Variants in THNSL1 observed in about 807,000 individuals in gnomAD.
The protein encoded by THNSL1 is threonine synthase-like 1.
THNSL1 carries 48 observed loss-of-function variants against 50.4 expected under a neutral mutation model. The observed-to-expected ratio is 0.95, with a 90% CI of 0.76 to 1.21. The LOEUF (loss-of-function observed/expected upper bound fraction) is 1.21. Among genes scored for constraint, THNSL1 ranks in the 50% most tolerant of loss-of-function variants. The pLI, the probability that THNSL1 is intolerant of heterozygous loss-of-function variation, is 0.00. For missense variants in THNSL1, 896 were observed against 871.7 expected (o/e 1.03, Z -0.35); for synonymous variants, 309 against 306.1 (o/e 1.01, Z -0.10).
rs764121957 is a variant in THNSL1 at position 25,024,381 on chromosome 10, C to T, written c.1158C>T (p.Val386=). The change falls in exon 3 of 3, where the codon GTC becomes GTT. Residue 386 remains valine (V), a synonymous_variant. Transcript: ENST00000376356. ...VATSGDTGSA[V]LNGFSRLNKN... is the part of the protein sequence containing the mutation. ...CTTCAGGAGACACAGGGAGTGCAGT[C>T]TTAAATGGTTTTAGTCGTCTAAATA... is the stretch of plus-strand genomic sequence containing the variant. 2.5e-6 allele frequency: 4 copies of T among 1,613,894 alleles called. No homozygotes were observed. The highest frequency in any genetic ancestry group is 1.6e-4 in the Middle Eastern group (1 of 6,062).
chr10:24,988,101 G>A, the THNSL1 span, among the ~76,000 whole-genome samples: 1,972 of 151,700 alleles, frequency 0.013, 56 homozygotes, highest in African/African-American at 0.046. Flanking sequence ...GTGCATGCCT[G>A]TAGTTTCAGC....
At chr10:25,013,138 A>C (rs1850488673), upstream of THNSL1, among the ~76,000 whole-genome samples, 3 of 152,190 alleles carry the variant, frequency 2.0e-5, no homozygotes, top group African/African-American at 7.2e-5. Flanking sequence ...TTCTGCCATG[A>C]TTGTAAGGCT....
chr10:25,021,948 TTTAA>T (rs1429580954), intron 2 of THNSL1, 40 bp downstream of exon 2: 8 of 152,164 alleles, frequency 5.3e-5, no homozygotes, highest in Admixed American at 3.9e-4. Flanking sequence ...CATTTAAATG[TTTAA>T]TTACAGAACA....
the THNSL1 span, among the ~76,000 whole-genome samples, chr10:24,989,836 G>A: frequency 6.6e-6 from 1 of 152,072 alleles, no homozygotes; most frequent in Non-Finnish European, 1.5e-5. Flanking sequence ...AAAGTACAAA[G>A]AGGTGTTTAA....
chr10:24,967,384 G>A, the THNSL1 span, among the ~76,000 whole-genome samples: 4 of 152,174 alleles, frequency 2.6e-5, no homozygotes, highest in East Asian at 7.7e-4. Flanking sequence ...AATGATGAAA[G>A]GCTTTGGCTC....
At chr10:24,989,658 T>C in the THNSL1 span, among the ~76,000 whole-genome samples, 26 of 152,338 alleles carry the variant, frequency 1.7e-4, no homozygotes, top group Admixed American at 1.2e-3. Flanking sequence ...TTATTGATGA[T>C]TATGATGACA....
chr10:25,013,161 T>G (rs1850489029), upstream of THNSL1, among the ~76,000 whole-genome samples: 1 of 152,256 alleles, frequency 6.6e-6, no homozygotes, highest in Admixed American at 6.5e-5. Flanking sequence ...CTCAGCCATG[T>G]GAAACTGTGA....
intron 1 of THNSL1, among the ~76,000 whole-genome samples, chr10:25,018,514 A>G (rs904629488): frequency 6.6e-6 from 1 of 152,236 alleles, no homozygotes; most frequent in Non-Finnish European, 1.5e-5. Context: ...ATGTGAGCAC[A>G]TGAATGACTG....
the THNSL1 span, among the ~76,000 whole-genome samples, chr10:24,972,500 T>G: frequency 2.1e-5 from 3 of 144,296 alleles, no homozygotes; most frequent in Non-Finnish European, 3.0e-5. Flanking sequence ...AGAGCAAGAC[T>G]CTGTCTCAAA....
upstream of THNSL1, among the ~76,000 whole-genome samples, chr10:25,013,574 C>A (rs1588666035): frequency 6.6e-6 from 1 of 152,280 alleles, no homozygotes; most frequent in East Asian, 1.9e-4. Context: ...ACTGTTCAGA[C>A]CATAACTGGA....
chr10:24,992,597 C>T, the THNSL1 span, among the ~76,000 whole-genome samples: 2 of 152,140 alleles, frequency 1.3e-5, no homozygotes, highest in African/African-American at 4.8e-5. Flanking sequence ...GGTCTAGTGA[C>T]AAGCAATGTT....
At chr10:24,990,376 T>C in the THNSL1 span, 1 of 1,486,700 alleles carries the variant, frequency 6.7e-7, no homozygotes, top group Non-Finnish European at 9.0e-7. Context: ...ATCCAAGTGC[T>C]GACTTTAATC....
intron 1 of THNSL1, among the ~76,000 whole-genome samples, chr10:25,018,673 T>G (rs1018082809): frequency 1.3e-5 from 2 of 151,458 alleles, no homozygotes; most frequent in African/African-American, 4.8e-5. Context: ...TTTTTTTTTT[T>G]TTTTTTGCGA....
In THNSL1 at chr10:25,025,705, G is replaced by A. The variant is rs558354436; in HGVS notation, c.*250G>A. On this transcript the variant is annotated 3_prime_UTR_variant, in exon 3 of 3. Transcript: ENST00000376356. ...TATCATACTTTTGCCTTCTGCTCATGAGGGGTGTATCAATTTCCACTCCCA... is the reference window on the plus strand; with the variant it reads ...TATCATACTTTTGCCTTCTGCTCATAAGGGGTGTATCAATTTCCACTCCCA... The A allele has an allele frequency of 1.3e-5, 6 of 444,856 alleles. No homozygotes were observed. In the South Asian group the frequency reaches 2.3e-4, roughly 17 times the overall value. The allele number at this position is 444,856 out of a possible 1,614,324, so 27.6% of individuals were successfully genotyped here. A position where few individuals can be genotyped will look rare whatever the true frequency, so the allele number is the denominator to read the frequency against.
chr10:24,952,818 G>A, the THNSL1 span, among the ~76,000 whole-genome samples: 1 of 151,618 alleles, frequency 6.6e-6, no homozygotes, highest in Non-Finnish European at 1.5e-5. This position sits in a 1 kb window ranked among gnomAD's most constrained non-coding sequence, Gnocchi z 5.1. Context: ...CTGCCAAGCC[G>A]CTACCGCTCC....
At chr10:25,003,843 T>C in the THNSL1 span, among the ~76,000 whole-genome samples, 7 of 152,210 alleles carry the variant, frequency 4.6e-5, no homozygotes, top group Non-Finnish European at 7.3e-5. Context: ...CAGCCTCCGA[T>C]AGGCCCCAGG....
intron 1 of THNSL1, 165 bp downstream of exon 1, chr10:25,016,857 G>C (rs765289641): frequency 6.6e-6 from 1 of 152,628 alleles, no homozygotes; most frequent in Non-Finnish European, 1.5e-5. Context: ...GCCTTTCCCC[G>C]TACCGTCCCT....
chr10:25,017,025 C>A (rs1461609178), intron 1 of THNSL1, among the ~76,000 whole-genome samples: 1 of 152,178 alleles, frequency 6.6e-6, no homozygotes, highest in African/African-American at 2.4e-5. Flanking sequence ...CTCGCCCTCC[C>A]GCCCCTGCTC....
At chr10:25,019,242 G>C (rs2132744300) in intron 1 of THNSL1, among the ~76,000 whole-genome samples, 1 of 152,342 alleles carries the variant, frequency 6.6e-6, no homozygotes, top group African/African-American at 2.4e-5. Context: ...TGAAGGCCAA[G>C]GCAGGAAGAC....
Sources: allele counts gnomAD v4.1 joint callset (sites outside exome capture counted in the v4.1 genomes callset), GRCh38; gene constraint gnomAD v4.1.1; non-coding constraint Gnocchi (gnomAD v3.1); transcripts MANE v1.5; gene names NCBI Gene and HGNC (gene_info 2026-07-23, HGNC 2026-07-21).